Variants in ABCA12 observed in about 807,000 individuals in gnomAD.
ABCA12 encodes glucosylceramide transporter ABCA12.
In ABCA12, 156 loss-of-function variants were observed where a neutral mutation model predicts 293.5. The ratio of observed to expected loss-of-function variants is 0.53; its 90% CI spans 0.47 to 0.61. ABCA12 has a LOEUF of 0.61. Ranked by LOEUF, ABCA12 falls within the 20% of genes least tolerant of loss-of-function variation. The pLI is 0.00. For synonymous variants in ABCA12, 1,063 were observed against 1,108.0 expected, an observed-to-expected ratio of 0.96 and a Z score of 0.81; for missense variants, 2,797 against 3,090.2, an observed-to-expected ratio of 0.91 and a Z score of 2.25.
chr2:215,134,634 G>GAT (rs1559214544), intron 1 of ABCA12, among the ~76,000 whole-genome samples: 12 of 125,002 alleles, frequency 9.6e-5, no homozygotes, highest in African/African-American at 4.5e-4. Flanking sequence ...GAGAGAGAGA[G>GAT]AGAGAGACAA....
chr2:215,064,718 CACA>C (rs1701607530), intron 2 of ABCA12, among the ~76,000 whole-genome samples: 1 of 151,434 alleles, frequency 6.6e-6, no homozygotes. Flanking sequence ...CACACACACA[CACA>C]CACACACACA....
chr2:214,973,052 T>C (rs1699423214), intron 36 of ABCA12, among the ~76,000 whole-genome samples: 1 of 152,062 alleles, frequency 6.6e-6, no homozygotes, highest in East Asian at 1.9e-4. Context: ...CTTGAACTCC[T>C]GAGCTCAAGC....
chr2:215,060,069 G>T (rs572750401), intron 3 of ABCA12, among the ~76,000 whole-genome samples: 93 of 152,078 alleles, frequency 6.1e-4, no homozygotes, highest in Non-Finnish European at 1.1e-3. Flanking sequence ...TCTCCAGTAA[G>T]ATCCATATTC....
intron 52 of ABCA12, among the ~76,000 whole-genome samples, chr2:214,933,086 C>T (rs1559097425): frequency 6.6e-6 from 1 of 152,106 alleles, no homozygotes; most frequent in Non-Finnish European, 1.5e-5. Context: ...CAGGTATAAA[C>T]AAGGAGCCCA....
Position 214,932,375 on chromosome 2 carries a change from A to G in ABCA12, c.*259T>C, listed in dbSNP as rs1698085784. On this transcript the variant is annotated 3_prime_UTR_variant, in exon 53 of 53. Coordinates refer to ENST00000272895, the MANE Select transcript of ABCA12 (RefSeq NM_173076.3). ...CATCTTGAGGTGGCTTCACCTTTGC[A>G]TAAGAATCACCAGCATATACATTAG... 2.3e-6 allele frequency: 1 copy of G among 443,564 alleles called. No individual in the cohort carries two copies. Among genetic ancestry groups the G allele is most frequent in the Non-Finnish European group, 4.1e-6 (1 of 245,472 alleles). 27.5% of individuals were successfully genotyped at this position (443,564 alleles called of 1,614,324 possible).
intron 9 of ABCA12, 46 bp from the exon 10 acceptor site, chr2:215,026,984 A>C: frequency 7.3e-7 from 1 of 1,373,052 alleles, no homozygotes; most frequent in Non-Finnish European, 1.0e-6. Flanking sequence ...TATAAAAGTA[A>C]AGCAAAGCCG....
At position 215,130,338 on chromosome 2, in the gene ABCA12, C is replaced by T. The variant is rs181459796; in HGVS notation, c.69+7802G>A. On this transcript the variant is annotated intron_variant, in intron 1 of 52. Coordinates refer to ENST00000272895, the MANE Select transcript of ABCA12 (RefSeq NM_173076.3). ...AATATGGTCATTTTAACAATATTGA[C>T]TCTTCCAACTCATGAGCATGGAATG... 1.4e-4 allele frequency among the ~76,000 whole-genome samples: 21 copies of T among 152,120 alleles called. No homozygotes were observed. The East Asian group carries it at 4.1e-3, about 29-fold the overall frequency.
chr2:215,009,463 G>GT lies in ABCA12; in HGVS notation c.2472+867dup, dbSNP rs199912633. 5.3e-3 allele frequency among the ~76,000 whole-genome samples: 712 copies of GT among 133,914 alleles called. 4 individuals are homozygous for GT. The highest frequency in any genetic ancestry group is 0.025 in the African/African-American group (660 of 26,290). 87.9% of individuals were successfully genotyped at this position (133,914 alleles called of 152,430 possible). On this transcript the variant is annotated intron_variant, in intron 18 of 52. Coordinates refer to ENST00000272895, the MANE Select transcript of ABCA12 (RefSeq NM_173076.3). ...TTGTAACCCTGAACTTAAAATAAAAGTTAAAAAAAATCAACAAATAATTGT... is the reference window on the plus strand; with the variant it reads ...TTGTAACCCTGAACTTAAAATAAAAGTTTAAAAAAAATCAACAAATAATTGT...
chr2:215,099,278 C>T (rs189019244), intron 2 of ABCA12, among the ~76,000 whole-genome samples: 1 of 152,352 alleles, frequency 6.6e-6, no homozygotes, highest in African/African-American at 2.4e-5. Flanking sequence ...GTGAGCTATC[C>T]ACCTTGGAAA....
chr2:214,979,134 G>T (rs1413484762), intron 31 of ABCA12, 94 bp from the exon 32 acceptor site: 2 of 1,107,120 alleles, frequency 1.8e-6, no homozygotes, highest in African/African-American at 3.1e-5. Context: ...AGCTCTTTTA[G>T]GCCACTCCAC....
At chr2:215,048,587 C>T (rs1701252097) in intron 6 of ABCA12, among the ~76,000 whole-genome samples, 1 of 151,884 alleles carries the variant, frequency 6.6e-6, no homozygotes, top group Non-Finnish European at 1.5e-5. Flanking sequence ...CCTGTAGTCC[C>T]AGCTAGTCGG....
chr2:214,947,234 T>TAACA (rs929987891), intron 48 of ABCA12, among the ~76,000 whole-genome samples, 188 bp downstream of exon 48: 1 of 152,242 alleles, frequency 6.6e-6, no homozygotes, highest in African/African-American at 2.4e-5. Context: ...ATTGTTGTGG[T>TAACA]AACAAATTAT....
chr2:215,034,924 G>A (rs1417535755), intron 8 of ABCA12, among the ~76,000 whole-genome samples: 1 of 152,150 alleles, frequency 6.6e-6, no homozygotes, highest in East Asian at 1.9e-4. Context: ...TCTGCTATGA[G>A]ATACCACCCC....
At chr2:214,996,601 C>T (rs149492887) in intron 23 of ABCA12, among the ~76,000 whole-genome samples, 230 of 152,216 alleles carry the variant, frequency 1.5e-3, no homozygotes, top group African/African-American at 5.2e-3. Context: ...AACAACAGGA[C>T]TCAAACTAGT....
intron 33 of ABCA12, among the ~76,000 whole-genome samples, chr2:214,977,036 AT>A (rs1259732355): frequency 1.3e-5 from 2 of 152,244 alleles, no homozygotes; most frequent in Non-Finnish European, 2.9e-5. Flanking sequence ...AAGCTGCTTA[AT>A]TTAAAATGAA....
intron 23 of ABCA12, among the ~76,000 whole-genome samples, chr2:214,991,729 A>T (rs1699916161): frequency 6.6e-6 from 1 of 152,172 alleles, no homozygotes; most frequent in Non-Finnish European, 1.5e-5. Flanking sequence ...CCTCTCTCTC[A>T]ATTGATATTC....
chr2:215,015,762 A>T, intron 14 of ABCA12, 99 bp from the exon 15 acceptor site: 1 of 1,092,708 alleles, frequency 9.2e-7, no homozygotes, highest in Non-Finnish European at 1.4e-6. Context: ...TTAAACTAAA[A>T]CAAAAGGTCC....
intron 1 of ABCA12, among the ~76,000 whole-genome samples, chr2:215,124,370 C>A (rs530069302): frequency 1.6e-4 from 25 of 152,130 alleles, no homozygotes; most frequent in Non-Finnish European, 2.5e-4. Context: ...AGTTTTAGTT[C>A]TTTAAGGAAT....
intron 52 of ABCA12, 133 bp downstream of exon 52, chr2:214,933,945 T>C: frequency 1.1e-6 from 1 of 932,406 alleles, no homozygotes. Flanking sequence ...GGCTCTTTGC[T>C]AAGTTTTTCA....
Sources: allele counts gnomAD v4.1 joint callset (sites outside exome capture counted in the v4.1 genomes callset), GRCh38; gene constraint gnomAD v4.1.1; transcripts MANE v1.5; gene names NCBI Gene and HGNC (gene_info 2026-07-23, HGNC 2026-07-21).